SLCO3A1: variants seen among roughly 807,000 people sequenced by gnomAD.
The protein encoded by SLCO3A1 is PGE1 transporter.
A neutral mutation model predicts 63.1 loss-of-function variants in SLCO3A1; 27 were observed. That is an observed-to-expected ratio of 0.43 (90% CI 0.32 to 0.59). The LOEUF is 0.59. Ranked by LOEUF, SLCO3A1 falls within the 20% of genes least tolerant of loss-of-function variation. The pLI, the probability that SLCO3A1 is intolerant of heterozygous loss-of-function variation, is 0.09. For missense variants in SLCO3A1, 773 were observed against 945.8 expected (o/e 0.82, Z 2.40); for synonymous variants, 473 against 409.9 (o/e 1.15, Z -1.86).
In SLCO3A1 at chr15:91,865,044, C is replaced by G. The variant is rs879779683; in HGVS notation, c.180+10956C>G. Among the ~76,000 whole-genome samples the G allele has an allele frequency of 3.3e-5, 5 of 152,206 alleles. No homozygotes were observed. The highest frequency in any genetic ancestry group is 7.3e-5 in the Non-Finnish European group (5 of 68,046). ...TGGGCAGTGTCCTTTCTGCCCCCTCCGTGGTTGGCCACCCGCTGTCCCTAT... is the reference window on the plus strand; with the variant it reads ...TGGGCAGTGTCCTTTCTGCCCCCTCGGTGGTTGGCCACCCGCTGTCCCTAT... On this transcript the variant is annotated intron_variant, in intron 1 of 9. Coordinates refer to ENST00000318445, the MANE Select transcript of SLCO3A1 (RefSeq NM_013272.4). The surrounding 1 kb of genome is among the most constrained non-coding windows in gnomAD (Gnocchi z 4.6).
chr15:91,873,542 AC>A (rs1897326585), intron 1 of SLCO3A1, among the ~76,000 whole-genome samples: 2 of 150,790 alleles, frequency 1.3e-5, no homozygotes, highest in Non-Finnish European at 2.9e-5. Context: ...ACACACACAC[AC>A]ACACACACAC....
chr15:92,077,484 A>G (rs2047292603), intron 2 of SLCO3A1, among the ~76,000 whole-genome samples: 1 of 152,114 alleles, frequency 6.6e-6, no homozygotes, highest in Non-Finnish European at 1.5e-5. Context: ...CTTGAACTGC[A>G]CTGCTTCAGC....
Position 92,163,182 on chromosome 15 carries a change from T to G in SLCO3A1, c.*47T>G. 3 of 1,416,064 alleles carry G rather than the reference T, an allele frequency of 2.1e-6. No individual in the cohort carries two copies. The highest frequency in any genetic ancestry group is 2.8e-6 in the Non-Finnish European group (3 of 1,087,628). The allele number at this position is 1,416,064 out of a possible 1,614,324, so 87.7% of individuals were successfully genotyped here. On this transcript the variant is annotated 3_prime_UTR_variant, in exon 10 of 10. Transcript: ENST00000318445. ...CTGTATTAGTAATCCAAGGGTCATT[T>G]TTTTCTTAAAAAAAGAAAAAAAGGT...
Position 92,164,239 on chromosome 15 carries a change from C to G in SLCO3A1, c.*1104C>G, listed in dbSNP as rs1596162461. The G allele has an allele frequency of 2.1e-5, 21 of 984,398 alleles. No homozygotes were observed. Among genetic ancestry groups the G allele is most frequent in the East Asian group, 1.1e-4 (1 of 8,806 alleles). 61.0% of individuals were successfully genotyped at this position (984,398 alleles called of 1,614,324 possible). A position where few individuals can be genotyped will look rare whatever the true frequency, so the allele number is the denominator to read the frequency against. On this transcript the variant is annotated 3_prime_UTR_variant, in exon 10 of 10. Transcript: ENST00000318445. ...TATGTGATACAAGGGATGCAATTAA[C>G]CTATTGTAATTTTCATCATTTTATC...
chr15:92,039,711 C>T (rs964481384), intron 2 of SLCO3A1, among the ~76,000 whole-genome samples: 3 of 152,218 alleles, frequency 2.0e-5, no homozygotes, highest in African/African-American at 7.2e-5. Context: ...AATCCCATTA[C>T]TGGGTATAAA....
intron 2 of SLCO3A1, among the ~76,000 whole-genome samples, chr15:92,049,373 G>A (rs545460409): frequency 1.5e-4 from 23 of 152,248 alleles, no homozygotes; most frequent in African/African-American, 5.3e-4. Context: ...TTCAATAAGC[G>A]GTGTGTGTTC....
At chr15:91,855,043 T>C (rs1162550016) in intron 1 of SLCO3A1, among the ~76,000 whole-genome samples, 1 of 151,956 alleles carries the variant, frequency 6.6e-6, no homozygotes, top group African/African-American at 2.4e-5. Flanking sequence ...TTTTTGAGAG[T>C]TTATAGTGTT....
At chr15:92,139,552 T>C (rs2048101691) in intron 7 of SLCO3A1, among the ~76,000 whole-genome samples, 1 of 151,924 alleles carries the variant, frequency 6.6e-6, no homozygotes, top group Admixed American at 6.6e-5. Flanking sequence ...GAAGGAATGG[T>C]ACCAGTTCCT....
At chr15:91,915,103 C>T (rs1228973618) in intron 1 of SLCO3A1, among the ~76,000 whole-genome samples, 1 of 152,144 alleles carries the variant, frequency 6.6e-6, no homozygotes, top group African/African-American at 2.4e-5. Context: ...GAATGCATCT[C>T]CTCATGGCCC....
chr15:91,889,303 C>T, intron 1 of SLCO3A1: 1 of 469,374 alleles, frequency 2.1e-6, no homozygotes, highest in Non-Finnish European at 4.1e-6. Flanking sequence ...CACCTGTAGG[C>T]CTCTGCTATC....
intron 7 of SLCO3A1, among the ~76,000 whole-genome samples, chr15:92,142,783 A>G (rs74028819): frequency 0.013 from 2,049 of 152,184 alleles, 57 homozygotes; most frequent in African/African-American, 0.047. Context: ...ATTTTATCCC[A>G]TTCCATGAGT....
chr15:91,928,068 T>G (rs1899094168), intron 2 of SLCO3A1, among the ~76,000 whole-genome samples: 1 of 152,240 alleles, frequency 6.6e-6, no homozygotes, highest in African/African-American at 2.4e-5. Context: ...GAGGAAAATG[T>G]CTCCCACATT....
chr15:91,990,840 G>A lies in SLCO3A1; in HGVS notation c.646+74382G>A, dbSNP rs181483667. Among the ~76,000 whole-genome samples, 617 of 152,240 alleles carry A rather than the reference G, an allele frequency of 4.1e-3. 3 individuals carry two copies. Among genetic ancestry groups the A allele is most frequent in the Non-Finnish European group, 7.5e-3 (507 of 68,012 alleles). ...TCAAATGCCTCCAGAAGCGAGGAGA[G>A]GAATTTGCATGTGTGTTGCTGGCTG... On this transcript the variant is annotated intron_variant, in intron 2 of 9. Coordinates refer to ENST00000318445, the MANE Select transcript of SLCO3A1 (RefSeq NM_013272.4).
intron 3 of SLCO3A1, 123 bp downstream of exon 3, chr15:92,095,102 GT>G (rs67561474): frequency 1.4e-5 from 8 of 589,182 alleles, no homozygotes; most frequent in East Asian, 2.9e-5. Context: ...CCCTGCCTCT[GT>G]AGCTGGGGCT....
chr15:92,020,701 G>C (rs1355835892), intron 2 of SLCO3A1, among the ~76,000 whole-genome samples: 1 of 152,226 alleles, frequency 6.6e-6, no homozygotes, highest in Non-Finnish European at 1.5e-5. Context: ...GGTCAGGCCA[G>C]TGCCATGAGG....
intron 1 of SLCO3A1, among the ~76,000 whole-genome samples, chr15:91,909,978 A>G (rs368892650): frequency 2.0e-5 from 3 of 152,338 alleles, no homozygotes; most frequent in Admixed American, 6.5e-5. Flanking sequence ...TGCCAGGTTA[A>G]TACTGCAGAA....
intron 2 of SLCO3A1, among the ~76,000 whole-genome samples, chr15:91,965,721 GGTGTGTGTGTGTGT>G (rs35543509): frequency 1.4e-5 from 2 of 147,562 alleles, no homozygotes; most frequent in Non-Finnish European, 3.0e-5. Flanking sequence ...CAGCCAGCAG[GGTGTGTGTGTGTGT>G]GTGTGTGTGT....
In SLCO3A1 at chr15:91,942,575, ATGTT is replaced by A. The variant is rs111293532; in HGVS notation, c.646+26139_646+26142del. On this transcript the variant is annotated intron_variant, in intron 2 of 9. Coordinates refer to ENST00000318445, the MANE Select transcript of SLCO3A1 (RefSeq NM_013272.4). The surrounding 1 kb of genome is among the most constrained non-coding windows in gnomAD (Gnocchi z 4.1). ...TGCAACAGAACTCTGCTGGAAATGT[ATGTT>A]TGTTTGTTTGTTTGTTTGTTTCGAG... 0.086 allele frequency among the ~76,000 whole-genome samples: 12,984 copies of A among 151,748 alleles called. 625 individuals are homozygous for A. The highest frequency in any genetic ancestry group is 0.1 in the Non-Finnish European group (6,800 of 67,904).
chr15:91,881,581 A>C (rs989993903), intron 1 of SLCO3A1, among the ~76,000 whole-genome samples: 1 of 152,032 alleles, frequency 6.6e-6, no homozygotes, highest in Non-Finnish European at 1.5e-5. Flanking sequence ...ACCTAAAGAA[A>C]GAAAGAAAGG....
Sources: gnomAD v4.1 joint callset for allele counts (sites outside exome capture counted in the v4.1 genomes callset) on GRCh38, gnomAD v4.1.1 for gene constraint, Gnocchi (gnomAD v3.1) non-coding constraint, MANE v1.5 for transcripts, NCBI Gene and HGNC (gene_info 2026-07-23, HGNC 2026-07-21) for gene names.